Variants in LRRC4C observed in about 807,000 individuals in gnomAD.
The protein encoded by LRRC4C is leucine rich repeat containing 4C.
LRRC4C carries 5 observed loss-of-function variants against 33.6 expected under a neutral mutation model. That is an observed-to-expected ratio of 0.15 (90% CI 0.08 to 0.31). The LOEUF (loss-of-function observed/expected upper bound fraction) is 0.31, where lower values mean the gene tolerates loss of function less well. LRRC4C is among the 10% of genes least tolerant of loss of function. The probability of loss-of-function intolerance (pLI) is 1.00; values close to 1 mark genes in which losing one functional copy is unlikely to be tolerated. For synonymous variants in LRRC4C, 329 were observed against 302.0 expected (o/e 1.09, Z -0.93); for missense variants, 560 against 796.7 (o/e 0.70, Z 3.58).
At chr11:41,287,882 G>C (rs959960313) in intron 1 of LRRC4C, among the ~76,000 whole-genome samples, 5 of 152,052 alleles carry the variant, frequency 3.3e-5, no homozygotes. Flanking sequence ...CTTCTTATTA[G>C]TGGCTTCCAT....
At position 40,615,163 on chromosome 11, in the gene LRRC4C, C is replaced by T. The variant is rs145569441; in HGVS notation, c.-270+32979G>A. Among the ~76,000 whole-genome samples the T allele has an allele frequency of 5.2e-4, 78 of 149,634 alleles. No homozygotes were observed. The East Asian group carries it at 8.9e-3, about 17-fold the overall frequency. On this transcript the variant is annotated intron_variant, in intron 3 of 6. Coordinates refer to ENST00000528697, the MANE Select transcript of LRRC4C (RefSeq NM_001258419.2). ...TATAGCTGATAATGTCTGATGAGTA[C>T]GGAAAACCTTCTGGTTCTAGACCCT...
chr11:41,150,312 T>A (rs1012178791), intron 1 of LRRC4C, among the ~76,000 whole-genome samples: 7 of 152,202 alleles, frequency 4.6e-5, no homozygotes. Context: ...TTACAGCAGG[T>A]TCTTAGAAAC....
At chr11:40,548,213 T>C (rs1466029576) in intron 3 of LRRC4C, among the ~76,000 whole-genome samples, 1 of 152,068 alleles carries the variant, frequency 6.6e-6, no homozygotes, top group African/African-American at 2.4e-5. Context: ...CTGTTGAGGA[T>C]TGTGCTTTCC....
At chr11:40,267,554 T>C (rs564182646) in intron 4 of LRRC4C, among the ~76,000 whole-genome samples, 1 of 152,066 alleles carries the variant, frequency 6.6e-6, no homozygotes, top group Non-Finnish European at 1.5e-5. Context: ...GGTTTCACCG[T>C]GTTAGCCAGG....
chr11:40,876,714 C>A (rs1954910362), intron 2 of LRRC4C, among the ~76,000 whole-genome samples: 2 of 151,764 alleles, frequency 1.3e-5, no homozygotes, highest in Admixed American at 1.3e-4. Flanking sequence ...ACCTTACTGG[C>A]CAACTTGGTG....
chr11:41,450,967 C>T (rs191110941), intron 1 of LRRC4C, among the ~76,000 whole-genome samples: 25 of 152,064 alleles, frequency 1.6e-4, no homozygotes, highest in Admixed American at 2.6e-4. Flanking sequence ...GTTTTACGTG[C>T]TGACTTTATT....
intron 2 of LRRC4C, among the ~76,000 whole-genome samples, chr11:40,854,426 C>T (rs1189382440): frequency 1.3e-5 from 2 of 152,160 alleles, no homozygotes; most frequent in African/African-American, 4.8e-5. Flanking sequence ...TGTCCAATTG[C>T]TAATCTCACC....
intron 5 of LRRC4C, among the ~76,000 whole-genome samples, chr11:40,146,529 T>C (rs1340903773): frequency 2.0e-5 from 3 of 152,134 alleles, no homozygotes; most frequent in Admixed American, 6.6e-5. Flanking sequence ...CTCTGACTGT[T>C]GTCATTAAGC....
intron 1 of LRRC4C, among the ~76,000 whole-genome samples, chr11:41,386,033 T>C (rs1953346332): frequency 6.6e-6 from 1 of 151,680 alleles, no homozygotes; most frequent in Non-Finnish European, 1.5e-5. Flanking sequence ...TAATATTTAA[T>C]TTCCAAGTAA....
At chr11:40,219,292 A>G (rs1443684063) in intron 5 of LRRC4C, among the ~76,000 whole-genome samples, 1 of 152,202 alleles carries the variant, frequency 6.6e-6, no homozygotes, top group Admixed American at 6.5e-5. Context: ...GAATATTTCT[A>G]TCACTGAGGA....
At chr11:40,262,289 C>T (rs186029908) in intron 4 of LRRC4C, among the ~76,000 whole-genome samples, 1 of 152,176 alleles carries the variant, frequency 6.6e-6, no homozygotes, top group East Asian at 1.9e-4. Flanking sequence ...TATTATACCA[C>T]CTCACACCAG....
chr11:40,128,703 C>T (rs1403896915), intron 6 of LRRC4C, among the ~76,000 whole-genome samples: 1 of 152,068 alleles, frequency 6.6e-6, no homozygotes, highest in East Asian at 1.9e-4. Context: ...ACCCCATTGG[C>T]CTTTCGTGGT....
At chr11:40,201,148 C>G (rs558314770) in intron 5 of LRRC4C, among the ~76,000 whole-genome samples, 5 of 152,154 alleles carry the variant, frequency 3.3e-5, no homozygotes, top group African/African-American at 9.7e-5. Flanking sequence ...CCTGCAGGCA[C>G]GCAAGGCAGA....
chr11:40,809,930 G>A (rs1225475400), intron 2 of LRRC4C, among the ~76,000 whole-genome samples: 1 of 152,066 alleles, frequency 6.6e-6, no homozygotes, highest in Non-Finnish European at 1.5e-5. Flanking sequence ...CAAAAATAAT[G>A]GTTTGAAGTC....
chr11:41,048,092 CT>C (rs915862866), intron 1 of LRRC4C, among the ~76,000 whole-genome samples: 3 of 152,048 alleles, frequency 2.0e-5, no homozygotes. Context: ...AGAATAAATA[CT>C]TTTTTTACCT....
intron 1 of LRRC4C, among the ~76,000 whole-genome samples, chr11:41,252,476 C>T (rs912230149): frequency 6.6e-5 from 10 of 152,048 alleles, no homozygotes; most frequent in African/African-American, 1.7e-4. Context: ...AAAGGGAATC[C>T]GGACCCAATA....
chr11:40,201,145 G>A (rs1042984060), intron 5 of LRRC4C, among the ~76,000 whole-genome samples: 1 of 152,124 alleles, frequency 6.6e-6, no homozygotes, highest in Non-Finnish European at 1.5e-5. Context: ...CATCCTGCAG[G>A]CACGCAAGGC....
chr11:40,687,744 G>A (rs190755426), intron 2 of LRRC4C, among the ~76,000 whole-genome samples: 305 of 152,188 alleles, frequency 2.0e-3, no homozygotes, highest in Non-Finnish European at 3.7e-3. Context: ...TATATTAAAT[G>A]TGATAAAATA....
At chr11:41,376,884 CA>C (rs1450013983) in intron 1 of LRRC4C, among the ~76,000 whole-genome samples, 2 of 151,972 alleles carry the variant, frequency 1.3e-5, no homozygotes, top group African/African-American at 4.8e-5. Context: ...AGATGATAGA[CA>C]AACAATTGCT....
Sources: gnomAD v4.1 joint callset for allele counts (sites outside exome capture counted in the v4.1 genomes callset) on GRCh38, gnomAD v4.1.1 for gene constraint, MANE v1.5 for transcripts, NCBI Gene and HGNC (gene_info 2026-07-23, HGNC 2026-07-21) for gene names.